The following UNKL variants were observed in gnomAD, a reference collection of about 807,000 sequenced individuals.
The protein encoded by UNKL is unk like zinc finger, also known as putative E3 ubiquitin-protein ligase UNKL.
A neutral mutation model predicts 78.0 loss-of-function variants in UNKL; 60 were observed. The observed-to-expected ratio is 0.77, with a 90% CI of 0.63 to 0.95. UNKL has a LOEUF of 0.95. Among genes scored for constraint, UNKL ranks in the 40% least tolerant of loss-of-function variants. The pLI is 0.00. For missense variants in UNKL, 1,159 were observed against 1,045.7 expected, an observed-to-expected ratio of 1.11 and a Z score of -1.49; for synonymous variants, 608 against 474.8, an observed-to-expected ratio of 1.28 and a Z score of -3.65.
chr16:1,371,541 G>C lies in UNKL; in HGVS notation c.1335C>G (p.Asp445Glu), dbSNP rs371662258. ...ASLEKDLEEQ[D>E]GHDLGAAGPR... ...CACCTGCTGCTCCCAGGTCGTGGCC[G>C]TCTTGCTCTTCCAGGTCCTTCTCTA... is the stretch of plus-strand genomic sequence containing the variant. Residue 445 changes from aspartate to glutamate, a missense_variant, in exon 11 of 15, where the codon GAC becomes GAG. Coordinates refer to ENST00000389221, the MANE Select transcript of UNKL (RefSeq NM_001372107.1). The C allele has an allele frequency of 6.5e-7, 1 of 1,536,090 alleles. No homozygotes were observed. Among genetic ancestry groups the C allele is most frequent in the African/African-American group, 1.4e-5 (1 of 73,048 alleles).
intron 10 of UNKL, among the ~76,000 whole-genome samples, chr16:1,380,625 G>GAA (rs71299910): frequency 0.011 from 1,453 of 132,978 alleles, 25 homozygotes; most frequent in African/African-American, 0.031. Context: ...TGTCGATCCT[G>GAA]AAAAAAAAAA....
intron 2 of UNKL, among the ~76,000 whole-genome samples, chr16:1,407,922 G>A (rs917872414): frequency 6.6e-6 from 1 of 152,004 alleles, no homozygotes; most frequent in African/African-American, 2.4e-5. Flanking sequence ...AATGGGCCTA[G>A]AGGCTGGGCA....
intron 11 of UNKL, among the ~76,000 whole-genome samples, chr16:1,371,076 C>G (rs1191985350): frequency 3.2e-5 from 4 of 124,596 alleles, no homozygotes; most frequent in Non-Finnish European, 6.4e-5. Flanking sequence ...GAGCGAGGCT[C>G]TGTCTCAAAA....
At chr16:1,381,769 G>C (rs2036615568) in intron 10 of UNKL, among the ~76,000 whole-genome samples, 1 of 152,266 alleles carries the variant, frequency 6.6e-6, no homozygotes, top group Admixed American at 6.5e-5. Context: ...GTATGATAGT[G>C]ATCTCAAATT....
chr16:1,370,259 G>A lies in UNKL; in HGVS notation c.1456C>T (p.Leu486Phe), dbSNP rs1008470491. 1 of 1,534,628 alleles carries A rather than the reference G, an allele frequency of 6.5e-7. No homozygotes were observed. The highest frequency in any genetic ancestry group is 1.2e-5 in the South Asian group (1 of 83,920). ...GGGAGGGGCTGGGACAGCGAACCGA[G>A]CGGCGAGGTGGACGCAGAGGATGGC... ...HSPSSASTSP[L>F]GSLSQPLPGP... Residue 486 changes from leucine (L) to phenylalanine (F), a missense_variant, in exon 12 of 15, where the codon CTC (leucine) becomes TTC (phenylalanine). By Grantham distance (22) the Leu-to-Phe change is conservative. Transcript: ENST00000389221.
intron 5 of UNKL, chr16:1,398,679 G>GCTCCCC: frequency 7.4e-7 from 1 of 1,356,354 alleles, no homozygotes; most frequent in Non-Finnish European, 9.5e-7. Flanking sequence ...TGTGGGGTCT[G>GCTCCCC]CACCCCCCCA....
intron 12 of UNKL, chr16:1,369,880 CAGGAGAATTGCTTGAA>C: frequency 6.9e-7 from 1 of 1,456,388 alleles, no homozygotes. Flanking sequence ...GTGGCTGAGG[CAGGAGAATTGCTTGAA>C]CCTGGGAGGC....
rs141545726 is a variant in UNKL at position 1,394,827 on chromosome 16, C to T, written c.853-612G>A. Among the ~76,000 whole-genome samples, 7 of 152,332 alleles carry T rather than the reference C, an allele frequency of 4.6e-5. No homozygotes were observed. In the South Asian group the frequency reaches 1.4e-3, roughly 32 times the overall value. Reference sequence around the variant, plus strand: ...CTGACCTCCGGCCTGGCCCCACCCCCCCATGGCCCTTCCACCACGTCGGGC... The same window carrying T: ...CTGACCTCCGGCCTGGCCCCACCCCTCCATGGCCCTTCCACCACGTCGGGC... On this transcript the variant is annotated intron_variant, in intron 6 of 14. Transcript: ENST00000389221.
intron 2 of UNKL, among the ~76,000 whole-genome samples, chr16:1,413,423 C>G (rs1248229185): frequency 3.3e-5 from 5 of 152,096 alleles, no homozygotes; most frequent in East Asian, 3.9e-4. Context: ...AAAAAATTAG[C>G]TGGGCATGGT....
At chr16:1,379,703 C>T (rs896131965) in intron 10 of UNKL, 5 of 983,718 alleles carry the variant, frequency 5.1e-6, no homozygotes, top group Admixed American at 6.2e-5. Context: ...CGCCCCGCCC[C>T]CTCCGCGCTG....
At chr16:1,386,149 C>T (rs991454913) in intron 9 of UNKL, among the ~76,000 whole-genome samples, 3 of 152,250 alleles carry the variant, frequency 2.0e-5, no homozygotes, top group African/African-American at 7.2e-5. Flanking sequence ...TGGCTCATGC[C>T]TGTAATCCCA....
rs2038207986 is a variant in UNKL at position 1,414,702 on chromosome 16, A to C, written c.-11T>G. 4.5e-6 allele frequency: 5 copies of C among 1,122,144 alleles called. No homozygotes were observed. Among genetic ancestry groups the C allele is most frequent in the Non-Finnish European group, 4.4e-6 (4 of 908,226 alleles). 69.5% of individuals were successfully genotyped at this position (1,122,144 alleles called of 1,614,324 possible). A position where few individuals can be genotyped will look rare whatever the true frequency, so the allele number is the denominator to read the frequency against. On this transcript the variant is annotated 5_prime_UTR_variant, in exon 1 of 15. Coordinates refer to ENST00000389221, the MANE Select transcript of UNKL (RefSeq NM_001372107.1). ...CGAAACCGACGGCATTTTCAGTCAAAACAATGCAGCGCGCATGCGCCGCGC... is the reference window on the plus strand; with the variant it reads ...CGAAACCGACGGCATTTTCAGTCAACACAATGCAGCGCGCATGCGCCGCGC...
chr16:1,379,668 C>T (rs956468220), intron 10 of UNKL: 2 of 984,624 alleles, frequency 2.0e-6, no homozygotes. Context: ...CCCCGCGCCG[C>T]CGCCGGGGAT....
intron 2 of UNKL, chr16:1,405,832 C>A (rs1294705720): frequency 2.4e-6 from 1 of 417,382 alleles, no homozygotes; most frequent in Non-Finnish European, 4.9e-6. Flanking sequence ...GCCCTGGACC[C>A]ACCGAGACCA....
At chr16:1,407,922 G>C (rs917872414) in intron 2 of UNKL, among the ~76,000 whole-genome samples, 1 of 152,004 alleles carries the variant, frequency 6.6e-6, no homozygotes, top group Non-Finnish European at 1.5e-5. Context: ...AATGGGCCTA[G>C]AGGCTGGGCA....
rs116278914 is a variant in UNKL, at chr16:1,388,184, G to A, written c.1086+2448C>T. Among the ~76,000 whole-genome samples, 167 of 152,264 alleles carry A rather than the reference G, an allele frequency of 1.1e-3. 1 individual carries two copies. The highest frequency in any genetic ancestry group is 3.7e-3 in the African/African-American group (154 of 41,552). On this transcript the variant is annotated intron_variant, in intron 9 of 14. Transcript: ENST00000389221. ...CCTGCCCCGCCCTGGGTCGGACAGGGAGTCTGTGCCCCGCACCTGTGTCTG... is the reference window on the plus strand; with the variant it reads ...CCTGCCCCGCCCTGGGTCGGACAGGAAGTCTGTGCCCCGCACCTGTGTCTG...
intron 9 of UNKL, among the ~76,000 whole-genome samples, chr16:1,386,214 G>A (rs2036805309): frequency 6.6e-6 from 1 of 152,142 alleles, no homozygotes. Flanking sequence ...TTCGAGACCA[G>A]CCTGGCCAAC....
chr16:1,367,358 C>A lies in UNKL; in HGVS notation c.1789-9G>T, dbSNP rs762425107. ...TGCCAGGCATCGCAGACCTGAAACCCAGGGCCCGTCTCAGCACCCCCCACC... is the reference window on the plus strand; with the variant it reads ...TGCCAGGCATCGCAGACCTGAAACCAAGGGCCCGTCTCAGCACCCCCCACC... On this transcript the variant is annotated splice_polypyrimidine_tract_variant and intron_variant, in intron 13 of 14. Coordinates refer to ENST00000389221, the MANE Select transcript of UNKL (RefSeq NM_001372107.1). 9.1e-6 allele frequency: 14 copies of A among 1,534,730 alleles called. No individual in the cohort carries two copies. The Admixed American group carries it at 1.2e-4, about 13-fold the overall frequency.
At chr16:1,396,652 GGC>G (rs1473713438) in intron 6 of UNKL, among the ~76,000 whole-genome samples, 1 of 151,994 alleles carries the variant, frequency 6.6e-6, no homozygotes, top group African/African-American at 2.4e-5. Context: ...AGAGTGCAGT[GGC>G]ACGATCTCAG....
Sources: allele counts gnomAD v4.1 joint callset (sites outside exome capture counted in the v4.1 genomes callset), GRCh38; gene constraint gnomAD v4.1.1; transcripts MANE v1.5; gene names NCBI Gene and HGNC (gene_info 2026-07-23, HGNC 2026-07-21).